Variants in STATH observed in about 807,000 individuals in gnomAD.
STATH encodes statherin.
In STATH, 11 loss-of-function variants were observed where a neutral mutation model predicts 13.3. The ratio of observed to expected loss-of-function variants is 0.83; its 90% CI spans 0.52 to 1.37. The LOEUF is 1.37. Among genes scored for constraint, STATH ranks in the 40% most tolerant of loss-of-function variants. The pLI is 0.00. For synonymous variants in STATH, 25 were observed against 23.6 expected (o/e 1.06, Z -0.17); for missense variants, 78 against 73.3 (o/e 1.06, Z -0.24).
rs1174609001 is a variant in STATH at position 70,000,596 on chromosome 4, G to A, written c.103-267G>A. ...GAAGAAAATTTAAAACCTCTTTGGA[G>A]TGATAGCCTATAATCGGTGTTCCTG... On this transcript the variant is annotated intron_variant, in intron 4 of 5. Coordinates refer to ENST00000246895, the MANE Select transcript of STATH (RefSeq NM_003154.3). 4.0e-5 allele frequency among the ~76,000 whole-genome samples: 6 copies of A among 151,890 alleles called. 1 individual carries two copies. The highest frequency in any genetic ancestry group is 3.4e-3 in the Middle Eastern group (1 of 294).
At chr4:69,997,359 A>T (rs1002377332) in intron 1 of STATH, among the ~76,000 whole-genome samples, 11 of 151,906 alleles carry the variant, frequency 7.2e-5, no homozygotes, top group African/African-American at 1.9e-4. Flanking sequence ...AATAACAGTA[A>T]TTTTTTTTAT....
intron 1 of STATH, among the ~76,000 whole-genome samples, chr4:69,996,235 G>T (rs528524473): frequency 6.6e-6 from 1 of 152,206 alleles, no homozygotes; most frequent in African/African-American, 2.4e-5. Context: ...ATCATGCAAA[G>T]TAAATAATGT....
In STATH at chr4:70,000,876, C is replaced by G; in HGVS notation, c.116C>G (p.Pro39Arg). ...GTGTGTATACAGTATGGGTATGGCC[C>G]TTATCAGCCAGTTCCAGAACAACCA... ...RIGRFGYGYG[P>R]YQPVPEQPLY... Residue 39 changes from proline to arginine, a missense_variant, in exon 5 of 6, where the codon CCT becomes CGT. Coordinates refer to ENST00000246895, the MANE Select transcript of STATH (RefSeq NM_003154.3). 6.2e-7 allele frequency: 1 copy of G among 1,611,868 alleles called. No individual in the cohort carries two copies. Among genetic ancestry groups the G allele is most frequent in the African/African-American group, 1.3e-5 (1 of 74,884 alleles).
chr4:69,998,292 G>A, intron 1 of STATH, 131 bp from the exon 2 acceptor site: 1 of 620,802 alleles, frequency 1.6e-6, no homozygotes, highest in Non-Finnish European at 2.8e-6. Context: ...CATGATGTCA[G>A]GCAATGGGTT....
chr4:70,001,258 C>A (rs571555947), intron 5 of STATH, among the ~76,000 whole-genome samples: 2 of 151,880 alleles, frequency 1.3e-5, no homozygotes, highest in East Asian at 3.9e-4. Context: ...ACTCCTAATG[C>A]TCCTGAACCT....
intron 1 of STATH, among the ~76,000 whole-genome samples, 165 bp downstream of exon 1, chr4:69,996,190 A>G (rs1724499159): frequency 6.6e-6 from 1 of 152,198 alleles, no homozygotes; most frequent in Non-Finnish European, 1.5e-5. Flanking sequence ...AGGTAAGTTG[A>G]GAATCTGAAT....
At chr4:69,998,230 T>C in intron 1 of STATH, 193 bp from the exon 2 acceptor site, 1 of 542,202 alleles carries the variant, frequency 1.8e-6, no homozygotes, top group Non-Finnish European at 3.3e-6. Context: ...AGCATTTCCA[T>C]ATCAATACAC....
At position 70,000,853 on chromosome 4, in the gene STATH, G is replaced by T. The variant is rs1309891680; in HGVS notation, c.103-10G>T. 3.7e-6 allele frequency: 6 copies of T among 1,608,276 alleles called. No individual in the cohort carries two copies. The highest frequency in any genetic ancestry group is 5.1e-6 in the Non-Finnish European group (6 of 1,175,248). ...TTTCTGCAATTTTCTTTCTCCTTGT[G>T]TGTATACAGTATGGGTATGGCCCTT... On this transcript the variant is annotated splice_polypyrimidine_tract_variant and intron_variant, in intron 4 of 5. Coordinates refer to ENST00000246895, the MANE Select transcript of STATH (RefSeq NM_003154.3).
chr4:69,999,283 A>G lies in STATH; in HGVS notation c.52-384A>G, dbSNP rs186770678. 36 of 174,670 alleles carry G rather than the reference A, an allele frequency of 2.1e-4. No homozygotes were observed. In the East Asian group the frequency reaches 5.2e-3, roughly 25 times the overall value. 10.8% of individuals were successfully genotyped at this position (174,670 alleles called of 1,614,324 possible). ...AAATAAAAAATAAAAATGTAAGGAA[A>G]ACAGAGAAAAACATAATGCTTGTCT... On this transcript the variant is annotated intron_variant, in intron 2 of 5. Transcript: ENST00000246895.
rs1196343341 is a variant in STATH, at chr4:70,002,554, G to T, written c.*399G>T. 3 of 151,658 alleles carry T rather than the reference G, an allele frequency of 2.0e-5. No homozygotes were observed. The East Asian group carries it at 5.8e-4, about 29-fold the overall frequency. 9.4% of individuals were successfully genotyped at this position (151,658 alleles called of 1,614,324 possible). A position where few individuals can be genotyped will look rare whatever the true frequency, so the allele number is the denominator to read the frequency against. On this transcript the variant is annotated 3_prime_UTR_variant, in exon 6 of 6. Coordinates refer to ENST00000246895, the MANE Select transcript of STATH (RefSeq NM_003154.3). Reference sequence around the variant, plus strand: ...ACTAGCACAGATTGAAGCCCATAATGTCAGAGGTCCTTATTTATAATTTAG... The same window carrying T: ...ACTAGCACAGATTGAAGCCCATAATTTCAGAGGTCCTTATTTATAATTTAG...
At chr4:69,999,545 T>C in intron 2 of STATH, 122 bp from the exon 3 acceptor site, 2 of 874,956 alleles carry the variant, frequency 2.3e-6, no homozygotes, top group East Asian at 5.3e-5. Context: ...TAATTTAGTG[T>C]CTATCGATGA....
intron 1 of STATH, among the ~76,000 whole-genome samples, chr4:69,997,760 T>A (rs1207215905): frequency 6.6e-6 from 1 of 152,164 alleles, no homozygotes; most frequent in African/African-American, 2.4e-5. Context: ...CTTATCAGTT[T>A]GATTGTTCTC....
At chr4:69,999,539 T>G in intron 2 of STATH, 128 bp from the exon 3 acceptor site, 2 of 830,954 alleles carry the variant, frequency 2.4e-6, no homozygotes, top group East Asian at 5.4e-5. Flanking sequence ...AATAACTAAT[T>G]TAGTGTCTAT....
At chr4:70,001,110 C>T (rs998714264) in intron 5 of STATH, 128 bp downstream of exon 5, 17 of 614,288 alleles carry the variant, frequency 2.8e-5, no homozygotes, top group Admixed American at 1.7e-4. Context: ...CTGTATAGCT[C>T]CTTGAAATGT....
In STATH at chr4:70,000,914, C is replaced by A; in HGVS notation, c.154C>A (p.Pro52Thr). The change falls in exon 5 of 6, where the codon CCA (proline) becomes ACA (threonine). Residue 52 changes from proline (P) to threonine (T), a missense_variant. Pro to Thr is a conservative substitution (Grantham distance 38, BLOSUM62 -1). Transcript: ENST00000246895. ...TCCAGAACAACCACTATACCCACAA[C>A]CATACCAACCACAATACCAACAATA... ...PVPEQPLYPQ[P>T]YQPQYQQYTF The A allele has an allele frequency of 6.2e-7, 1 of 1,612,142 alleles. No individual in the cohort carries two copies. The highest frequency in any genetic ancestry group is 1.3e-5 in the African/African-American group (1 of 74,920).
chr4:70,002,313 A>T lies in STATH; in HGVS notation c.*158A>T, dbSNP rs1367095346. 1 of 151,482 alleles carries T rather than the reference A, an allele frequency of 6.6e-6. No individual in the cohort carries two copies. The highest frequency in any genetic ancestry group is 1.5e-5 in the Non-Finnish European group (1 of 67,722). 9.4% of individuals were successfully genotyped at this position (151,482 alleles called of 1,614,324 possible). ...TGAAAAACACTATAATTTACTGTATACTCTTTGTTTCAGGATACTTGCCTT... is the reference window on the plus strand; with the variant it reads ...TGAAAAACACTATAATTTACTGTATTCTCTTTGTTTCAGGATACTTGCCTT... On this transcript the variant is annotated 3_prime_UTR_variant, in exon 6 of 6. Transcript: ENST00000246895.
intron 4 of STATH, 150 bp downstream of exon 4, chr4:69,999,959 C>G (rs1353425915): frequency 2.9e-5 from 25 of 862,104 alleles, no homozygotes; most frequent in Non-Finnish European, 4.5e-5. Context: ...ACACAGGTAA[C>G]AGTCACAAAT....
chr4:69,999,820 T>C lies in STATH; in HGVS notation c.102+11T>C. On this transcript the variant is annotated intron_variant, in intron 4 of 5. Transcript: ENST00000246895. Reference sequence around the variant, plus strand: ...ATTGGAAGATTCGGTGTAAGTGTTCTCTGATAATGCTGTGTAGTCCAAATA... The same window carrying C: ...ATTGGAAGATTCGGTGTAAGTGTTCCCTGATAATGCTGTGTAGTCCAAATA... 2 of 1,611,778 alleles carry C rather than the reference T, an allele frequency of 1.2e-6. No homozygotes were observed. Among genetic ancestry groups the C allele is most frequent in the South Asian group, 1.1e-5 (1 of 91,006 alleles).
chr4:69,997,722 G>A (rs527982990), intron 1 of STATH, among the ~76,000 whole-genome samples: 30 of 152,214 alleles, frequency 2.0e-4, no homozygotes, highest in Admixed American at 1.6e-3. Context: ...ACTTCTCAGA[G>A]GAGGTACGAA....
Sources: allele counts gnomAD v4.1 joint callset (sites outside exome capture counted in the v4.1 genomes callset), GRCh38; gene constraint gnomAD v4.1.1; transcripts MANE v1.5; gene names NCBI Gene and HGNC (gene_info 2026-07-23, HGNC 2026-07-21).